ITSN2: variants seen among roughly 807,000 people sequenced by gnomAD.
The protein encoded by ITSN2 is intersectin 2.
Under a neutral mutation model 243.7 loss-of-function variants are expected in ITSN2, and 156 were observed. The ratio of observed to expected loss-of-function variants is 0.64; its 90% CI spans 0.56 to 0.73. The LOEUF (loss-of-function observed/expected upper bound fraction) is 0.73, where lower values mean the gene tolerates loss of function less well. Among genes scored for constraint, ITSN2 ranks in the 30% least tolerant of loss-of-function variants. ITSN2 has a pLI of 0.00. For missense variants in ITSN2, 1,801 were observed against 1,996.1 expected (o/e 0.90, Z 1.86); for synonymous variants, 703 against 699.9 (o/e 1.00, Z -0.07).
At chr2:24,293,812 TATA>T (rs756972774) in intron 14 of ITSN2, 37 bp from the exon 15 acceptor site, 2 of 626,008 alleles carry the variant, frequency 3.2e-6, no homozygotes, top group African/African-American at 3.8e-5. Flanking sequence ...ATTACAATGT[TATA>T]ATATTGTCCA....
Position 24,261,524 on chromosome 2 carries a change from A to G in ITSN2, c.2537+37T>C, listed in dbSNP as rs778813797. 2.1e-6 allele frequency: 3 copies of G among 1,461,946 alleles called. 1 individual carries two copies. The highest frequency in any genetic ancestry group is 2.3e-5 in the South Asian group (2 of 85,728). The allele number at this position is 1,461,946 out of a possible 1,614,324, so 90.6% of individuals were successfully genotyped here. On this transcript the variant is annotated intron_variant, in intron 21 of 39. Transcript: ENST00000355123. ...ATATATTAGGTATTTACACATTTGC[A>G]GATCTATATAAACTTTACTGTTAGC...
chr2:24,227,903 G>A (rs1671204374), intron 29 of ITSN2, among the ~76,000 whole-genome samples: 1 of 152,068 alleles, frequency 6.6e-6, no homozygotes, highest in South Asian at 2.1e-4. Context: ...AGAAAAAAAA[G>A]ATGGAAAACA....
At chr2:24,329,487 A>G (rs545781993) in intron 1 of ITSN2, among the ~76,000 whole-genome samples, 49 of 152,200 alleles carry the variant, frequency 3.2e-4, no homozygotes, top group African/African-American at 1.2e-3. Context: ...TGGCCAGGCT[A>G]GTCTTGAACT....
chr2:24,210,282 C>CA (rs1241064322), intron 34 of ITSN2: 4 of 491,226 alleles, frequency 8.1e-6, no homozygotes, highest in Non-Finnish European at 1.5e-5. Context: ...GAACTCAAAA[C>CA]AAAAAATCCC....
At chr2:24,352,273 TAGA>T (rs893151670) in intron 1 of ITSN2, among the ~76,000 whole-genome samples, 3 of 152,188 alleles carry the variant, frequency 2.0e-5, no homozygotes, top group African/African-American at 7.2e-5. Flanking sequence ...ATCTGGCACA[TAGA>T]AGGTGTCCAT....
intron 1 of ITSN2, among the ~76,000 whole-genome samples, chr2:24,337,554 G>A (rs1314671318): frequency 6.7e-6 from 1 of 148,470 alleles, no homozygotes; most frequent in Non-Finnish European, 1.5e-5. Flanking sequence ...GTTTCACCAT[G>A]TTGGCCAGGC....
intron 2 of ITSN2, among the ~76,000 whole-genome samples, chr2:24,326,341 A>C (rs1685153487): frequency 6.6e-6 from 1 of 152,190 alleles, no homozygotes; most frequent in African/African-American, 2.4e-5. Flanking sequence ...TGAACTGCAA[A>C]GTAGATATAT....
Position 24,211,467 on chromosome 2 carries a change from T to C in ITSN2, c.4090-520A>G, listed in dbSNP as rs1669488215. Among the ~76,000 whole-genome samples, 1 of 152,208 alleles carries C rather than the reference T, an allele frequency of 6.6e-6. No homozygotes were observed. The highest frequency in any genetic ancestry group is 2.1e-4 in the South Asian group (1 of 4,830). On this transcript the variant is annotated intron_variant, in intron 33 of 39. Transcript: ENST00000355123. The surrounding 1 kb of genome is among the most constrained non-coding windows in gnomAD (Gnocchi z 4.1). ...ATGTGGAAGAAATGCATTCTGTTCA[T>C]TCTGAAGCGATTTCAAACGACGCAT...
intron 1 of ITSN2, among the ~76,000 whole-genome samples, chr2:24,342,686 T>C (rs1354558567): frequency 2.0e-5 from 3 of 151,548 alleles, no homozygotes; most frequent in Non-Finnish European, 4.4e-5. Context: ...CATCAAAACA[T>C]TTGTTAAAAT....
chr2:24,203,561 C>T lies in ITSN2; in HGVS notation c.*65G>A, dbSNP rs752289413. ...TGGTGCTCCCTCAGCCCCAAGAGAGCGCAGTCTCTCATTCTCCAGCCCCAG... is the reference window on the plus strand; with the variant it reads ...TGGTGCTCCCTCAGCCCCAAGAGAGTGCAGTCTCTCATTCTCCAGCCCCAG... On this transcript the variant is annotated 3_prime_UTR_variant, in exon 40 of 40. Transcript: ENST00000355123. 9.2e-5 allele frequency: 138 copies of T among 1,504,870 alleles called. 1 individual carries two copies. Among genetic ancestry groups the T allele is most frequent in the Non-Finnish European group, 1.1e-4 (127 of 1,110,518 alleles). 93.2% of individuals were successfully genotyped at this position (1,504,870 alleles called of 1,614,324 possible).
At chr2:24,290,363 T>C (rs1680087272) in intron 15 of ITSN2, among the ~76,000 whole-genome samples, 1 of 152,222 alleles carries the variant, frequency 6.6e-6, no homozygotes, top group Admixed American at 6.5e-5. Context: ...TTAGGTCTTA[T>C]CCTTTGCCGT....
In ITSN2 at chr2:24,242,499, T is replaced by G. The variant is rs573458310; in HGVS notation, c.3577+3630A>C. On this transcript the variant is annotated intron_variant, in intron 29 of 39. Coordinates refer to ENST00000355123, the MANE Select transcript of ITSN2 (RefSeq NM_006277.3). ...GGTACAACAAGGATCTCGTATCTAT[T>G]CCTGACTTTAAGGATTAAGCATTTT... Among the ~76,000 whole-genome samples the G allele has an allele frequency of 2.7e-4, 41 of 152,306 alleles. No individual in the cohort carries two copies. In the South Asian group the frequency reaches 7.3e-3, roughly 27 times the overall value.
chr2:24,358,733 T>C (rs1396128494), intron 1 of ITSN2, among the ~76,000 whole-genome samples: 1 of 152,252 alleles, frequency 6.6e-6, no homozygotes, highest in Admixed American at 6.5e-5. Context: ...GCTATTTTTG[T>C]GAAAATACAA....
chr2:24,262,252 T>G (rs1675997590), intron 20 of ITSN2, among the ~76,000 whole-genome samples: 1 of 152,196 alleles, frequency 6.6e-6, no homozygotes, highest in Non-Finnish European at 1.5e-5. Context: ...TATTTAATGT[T>G]TATAATATTA....
chr2:24,305,491 G>A (rs897460699), intron 8 of ITSN2, among the ~76,000 whole-genome samples: 25 of 149,378 alleles, frequency 1.7e-4, no homozygotes, highest in African/African-American at 2.2e-4. Flanking sequence ...CAGGAGAATC[G>A]CTGGAACCCG....
intron 25 of ITSN2, 68 bp downstream of exon 25, chr2:24,252,277 T>C (rs1674442724): frequency 5.2e-6 from 6 of 1,155,518 alleles, no homozygotes; most frequent in Non-Finnish European, 5.0e-6. Flanking sequence ...TGATTTTATT[T>C]TTAATACCAA....
intron 2 of ITSN2, among the ~76,000 whole-genome samples, chr2:24,323,677 T>C (rs1238516483): frequency 2.0e-5 from 3 of 152,210 alleles, no homozygotes; most frequent in African/African-American, 7.2e-5. Flanking sequence ...TCGAACCGTA[T>C]ACTTTAAAAG....
chr2:24,212,250 T>C (rs1341887600), intron 33 of ITSN2, among the ~76,000 whole-genome samples: 1 of 152,114 alleles, frequency 6.6e-6, no homozygotes, highest in Admixed American at 6.5e-5. Context: ...TCAGGGTGGA[T>C]GGAGGCAGAT....
In ITSN2 at chr2:24,310,729, A is replaced by C. The variant is rs145330151; in HGVS notation, c.353-37T>G. The C allele has an allele frequency of 6.4e-6, 10 of 1,567,248 alleles. No individual in the cohort carries two copies. In the African/African-American group the frequency reaches 1.2e-4, roughly 19 times the overall value. On this transcript the variant is annotated intron_variant, in intron 5 of 39. Coordinates refer to ENST00000355123, the MANE Select transcript of ITSN2 (RefSeq NM_006277.3). ...AGAAAACATTTTTTCCAGTGCTAGA[A>C]AATCAATTATAAAACACATGCAAAA...
Sources: gnomAD v4.1 joint callset for allele counts (sites outside exome capture counted in the v4.1 genomes callset) on GRCh38, gnomAD v4.1.1 for gene constraint, Gnocchi (gnomAD v3.1) non-coding constraint, MANE v1.5 for transcripts, NCBI Gene and HGNC (gene_info 2026-07-23, HGNC 2026-07-21) for gene names.